GRIN2A: variants seen among roughly 807,000 people sequenced by gnomAD.
The protein encoded by GRIN2A is glutamate ionotropic receptor NMDA type subunit 2A, also known as glutamate receptor ionotropic, NMDA 2A.
A neutral mutation model predicts 113.4 loss-of-function variants in GRIN2A; 22 were observed. The ratio of observed to expected loss-of-function variants is 0.19; its 90% CI spans 0.14 to 0.28. The LOEUF (loss-of-function observed/expected upper bound fraction) is 0.28, where lower values mean the gene tolerates loss of function less well. Among genes scored for constraint, GRIN2A ranks in the 10% least tolerant of loss-of-function variants. GRIN2A has a pLI of 1.00. For missense variants in GRIN2A, 1,502 were observed against 1,887.0 expected (o/e 0.80, Z 3.78); for synonymous variants, 827 against 738.4 (o/e 1.12, Z -1.94).
At chr16:9,969,233 T>G (rs1327810423) in intron 2 of GRIN2A, among the ~76,000 whole-genome samples, 1 of 152,138 alleles carries the variant, frequency 6.6e-6, no homozygotes, top group Non-Finnish European at 1.5e-5. Context: ...TGTTACCGAA[T>G]CTTTCCTCTA....
At chr16:10,131,539 C>T (rs894863584) in intron 2 of GRIN2A, among the ~76,000 whole-genome samples, 2 of 151,664 alleles carry the variant, frequency 1.3e-5, no homozygotes, top group Non-Finnish European at 2.9e-5. Flanking sequence ...CCTCTGCTCT[C>T]GGAGTTTCCA....
At chr16:9,784,479 TA>T in intron 11 of GRIN2A, among the ~76,000 whole-genome samples, 1 of 122,032 alleles carries the variant, frequency 8.2e-6, no homozygotes, top group Non-Finnish European at 1.8e-5. Flanking sequence ...CCTAAAACCA[TA>T]AAAACCCTAG....
chr16:10,102,694 G>A (rs1053501564), intron 2 of GRIN2A, among the ~76,000 whole-genome samples: 5 of 152,012 alleles, frequency 3.3e-5, no homozygotes, highest in African/African-American at 7.3e-5. Context: ...TTACAGGCAT[G>A]CACCACCATG....
chr16:10,032,497 T>C (rs931788835), intron 2 of GRIN2A, among the ~76,000 whole-genome samples: 2 of 152,210 alleles, frequency 1.3e-5, no homozygotes, highest in Non-Finnish European at 2.9e-5. Flanking sequence ...TCTCATTGAA[T>C]CTTCTCATCA....
intron 2 of GRIN2A, among the ~76,000 whole-genome samples, chr16:10,107,901 G>C (rs1374250630): frequency 1.3e-5 from 2 of 152,222 alleles, no homozygotes; most frequent in Non-Finnish European, 2.9e-5. Flanking sequence ...CGTGCAAAGT[G>C]CCTGCTACAG....
chr16:10,081,844 T>G (rs2047990394), intron 2 of GRIN2A, among the ~76,000 whole-genome samples: 1 of 152,170 alleles, frequency 6.6e-6, no homozygotes, highest in Non-Finnish European at 1.5e-5. Context: ...TCCAAGGCCC[T>G]ATGTCCCTAC....
At chr16:10,101,881 T>C (rs2048406432) in intron 2 of GRIN2A, among the ~76,000 whole-genome samples, 1 of 152,226 alleles carries the variant, frequency 6.6e-6, no homozygotes, top group South Asian at 2.1e-4. Context: ...TGGGAAAATC[T>C]ATTCAAAGTT....
At chr16:10,138,593 G>C (rs1048397552) in intron 2 of GRIN2A, among the ~76,000 whole-genome samples, 1 of 152,008 alleles carries the variant, frequency 6.6e-6, no homozygotes, top group Non-Finnish European at 1.5e-5. Flanking sequence ...TGACACGTGG[G>C]GATTACAATT....
intron 11 of GRIN2A, among the ~76,000 whole-genome samples, chr16:9,788,015 C>T (rs777761208): frequency 4.9e-4 from 74 of 152,120 alleles, no homozygotes; most frequent in Non-Finnish European, 8.7e-4. Context: ...ACCAACACAC[C>T]GGAGCCGAGG....
intron 3 of GRIN2A, among the ~76,000 whole-genome samples, chr16:9,923,888 AG>A (rs1432661069): frequency 1.3e-5 from 2 of 152,086 alleles, no homozygotes; most frequent in African/African-American, 2.4e-5. Flanking sequence ...GCACTTTGGG[AG>A]GCCAAGGTGG....
At chr16:10,017,443 T>C (rs533678165) in intron 2 of GRIN2A, among the ~76,000 whole-genome samples, 1 of 152,150 alleles carries the variant, frequency 6.6e-6, no homozygotes, top group Non-Finnish European at 1.5e-5. Flanking sequence ...GTAGACTGAG[T>C]GCATGTTCTA....
At chr16:10,126,287 C>T (rs1158783645) in intron 2 of GRIN2A, among the ~76,000 whole-genome samples, 3 of 151,828 alleles carry the variant, frequency 2.0e-5, no homozygotes, top group Non-Finnish European at 2.9e-5. Flanking sequence ...CTCAGGCTTC[C>T]AAGAAACAGA....
chr16:9,780,994 C>CTTTTTT (rs5815547), intron 11 of GRIN2A, among the ~76,000 whole-genome samples: 3,274 of 145,296 alleles, frequency 0.023, 104 homozygotes, highest in African/African-American at 0.063. Flanking sequence ...GGTCACTAAT[C>CTTTTTT]TTTTTTTTTT....
chr16:9,913,611 A>G (rs1019148126), intron 3 of GRIN2A, among the ~76,000 whole-genome samples: 1 of 152,222 alleles, frequency 6.6e-6, no homozygotes, highest in Non-Finnish European at 1.5e-5. Flanking sequence ...CAGCTCTGGA[A>G]CTAAGCAGCT....
intron 10 of GRIN2A, among the ~76,000 whole-genome samples, chr16:9,813,337 A>C (rs1017771717): frequency 1.3e-5 from 2 of 152,234 alleles, no homozygotes; most frequent in Non-Finnish European, 2.9e-5. Flanking sequence ...TGACAATACA[A>C]GAATGAAATG....
At chr16:9,903,125 T>C (rs907414527) in intron 3 of GRIN2A, among the ~76,000 whole-genome samples, 2 of 151,812 alleles carry the variant, frequency 1.3e-5, no homozygotes, top group Non-Finnish European at 1.5e-5. Context: ...CGTGCCACCA[T>C]GCCCAGCTAA....
intron 2 of GRIN2A, 149 bp from the exon 3 acceptor site, chr16:9,938,700 C>A: frequency 1.5e-6 from 1 of 680,554 alleles, no homozygotes; most frequent in South Asian, 1.6e-5. Flanking sequence ...GACTCCAGAA[C>A]AGATCCTGCA....
At chr16:9,814,676 C>G (rs1467418006) in intron 10 of GRIN2A, among the ~76,000 whole-genome samples, 1 of 152,140 alleles carries the variant, frequency 6.6e-6, no homozygotes, top group Non-Finnish European at 1.5e-5. Flanking sequence ...TAACTAACCT[C>G]TCAAAGACAT....
chr16:10,097,403 TA>T (rs1269952544), intron 2 of GRIN2A, among the ~76,000 whole-genome samples: 1 of 152,210 alleles, frequency 6.6e-6, no homozygotes, highest in African/African-American at 2.4e-5. Flanking sequence ...ATCTTCACCC[TA>T]CATATATCAT....
Sources: gnomAD v4.1 joint callset for allele counts (sites outside exome capture counted in the v4.1 genomes callset) on GRCh38, gnomAD v4.1.1 for gene constraint, MANE v1.5 for transcripts, NCBI Gene and HGNC (gene_info 2026-07-23, HGNC 2026-07-21) for gene names.